CHLSN: variants seen among roughly 807,000 people sequenced by gnomAD.
The protein encoded by CHLSN is protein cholesin.
chr7:1,005,238 C>T, the CHLSN span, among the ~76,000 whole-genome samples: 1 of 152,166 alleles, frequency 6.6e-6, no homozygotes, highest in African/African-American at 2.4e-5. Context: ...TTGCAGTGAG[C>T]CGAGATTGCA....
chr7:1,101,014 C>G, the CHLSN span, among the ~76,000 whole-genome samples: 73,172 of 152,058 alleles, frequency 0.48, 17,902 homozygotes, highest in African/African-American at 0.52. Context: ...GAGGCTCACG[C>G]TCCACTCAGA....
At chr7:1,102,954 G>A in the CHLSN span, among the ~76,000 whole-genome samples, 1 of 152,230 alleles carries the variant, frequency 6.6e-6, no homozygotes, top group African/African-American at 2.4e-5. Context: ...GTACAGGGAG[G>A]TGGGCACACC....
the CHLSN span, among the ~76,000 whole-genome samples, chr7:1,012,817 C>T: frequency 0.22 from 33,977 of 152,158 alleles, 3,989 homozygotes; most frequent in African/African-American, 0.27. Flanking sequence ...GCCCCGTGCT[C>T]GCGCTCGCTG....
At chr7:1,024,182 A>C in the CHLSN span, among the ~76,000 whole-genome samples, 57 of 152,168 alleles carry the variant, frequency 3.7e-4, no homozygotes, top group Non-Finnish European at 5.9e-5. Flanking sequence ...GTGTGAGCCC[A>C]CGGTGCACAG....
At chr7:1,096,765 G>A in the CHLSN span, among the ~76,000 whole-genome samples, 1 of 152,212 alleles carries the variant, frequency 6.6e-6, no homozygotes, top group Non-Finnish European at 1.5e-5. This position sits in a 1 kb window ranked among gnomAD's most constrained non-coding sequence, Gnocchi z 4.6. Flanking sequence ...TTGACCTCAC[G>A]AGAGTGACAC....
At chr7:1,092,248 G>T in the CHLSN span, 2 of 1,612,286 alleles carry the variant, frequency 1.2e-6, no homozygotes, top group Non-Finnish European at 8.5e-7. Context: ...CAAGCACCAC[G>T]CCCGGCTGAG....
chr7:1,073,268 G>A, the CHLSN span, among the ~76,000 whole-genome samples: 1 of 152,132 alleles, frequency 6.6e-6, no homozygotes, highest in African/African-American at 2.4e-5. Flanking sequence ...TGACCAGAGG[G>A]CAGCGGAAGG....
At chr7:1,084,969 G>T in the CHLSN span, among the ~76,000 whole-genome samples, 1 of 152,234 alleles carries the variant, frequency 6.6e-6, no homozygotes, top group Non-Finnish European at 1.5e-5. Flanking sequence ...AGTCAGTGCT[G>T]GCAGAGGGAG....
chr7:1,050,341 G>A, the CHLSN span, among the ~76,000 whole-genome samples: 1 of 152,250 alleles, frequency 6.6e-6, no homozygotes, highest in Non-Finnish European at 1.5e-5. Context: ...CAGGCTCAGA[G>A]CAGAGCAGGG....
At chr7:1,000,990 C>T in the CHLSN span, among the ~76,000 whole-genome samples, 1 of 152,210 alleles carries the variant, frequency 6.6e-6, no homozygotes, top group Admixed American at 6.5e-5. Flanking sequence ...CAACAAGGGG[C>T]CAGTGGGCCT....
chr7:1,049,015 CTGAGCGTGCGCTCCCCAGGCCTCCGCT>C, the CHLSN span, among the ~76,000 whole-genome samples: 17 of 152,104 alleles, frequency 1.1e-4, no homozygotes, highest in African/African-American at 3.6e-4. Flanking sequence ...CCTCTGCAGT[CTGAGCGTGCGCTCCCCAGGCCTCCGCT>C]GTCTGAGCGT....
chr7:1,066,035 C>T, the CHLSN span, among the ~76,000 whole-genome samples: 2 of 152,216 alleles, frequency 1.3e-5, no homozygotes, highest in African/African-American at 2.4e-5. Context: ...GAGCCCTGCG[C>T]GGCCGGCACG....
At chr7:1,135,931 ATATATAAG>A in the CHLSN span, among the ~76,000 whole-genome samples, 2 of 105,210 alleles carry the variant, frequency 1.9e-5, no homozygotes, top group Admixed American at 9.9e-5. Flanking sequence ...GTATATATAA[ATATATAAG>A]TATATATAAA....
the CHLSN span, chr7:1,058,033 C>T: frequency 3.9e-6 from 3 of 769,340 alleles, no homozygotes; most frequent in Admixed American, 1.7e-5. Flanking sequence ...CATGTGTCCA[C>T]CCGCGCGCTA....
chr7:1,016,979 CCAGCGCACAG>C, the CHLSN span, among the ~76,000 whole-genome samples: 3,423 of 67,502 alleles, frequency 0.051, 231 homozygotes, highest in East Asian at 0.25. Context: ...CCAGCACACA[CCAGCGCACAG>C]CAGCGCACAG....
At chr7:1,059,239 TATAA>T in the CHLSN span, 1 of 166,824 alleles carries the variant, frequency 6.0e-6, no homozygotes, top group Non-Finnish European at 1.5e-5. Flanking sequence ...AACTAAAGAA[TATAA>T]ATAAACAAAA....
the CHLSN span, among the ~76,000 whole-genome samples, chr7:1,108,508 C>A: frequency 6.6e-6 from 1 of 152,222 alleles, no homozygotes; most frequent in Non-Finnish European, 1.5e-5. Context: ...GGTGTGCTGA[C>A]TTGTCAACTG....
the CHLSN span, among the ~76,000 whole-genome samples, chr7:1,050,604 C>T: frequency 3.9e-4 from 60 of 152,344 alleles, no homozygotes; most frequent in African/African-American, 1.4e-3. Context: ...CGCGGGAGAG[C>T]CTGCAAGGAA....
chr7:1,029,799 C>T, the CHLSN span, among the ~76,000 whole-genome samples: 2 of 152,236 alleles, frequency 1.3e-5, no homozygotes, highest in African/African-American at 4.8e-5. Flanking sequence ...AGGCCGGAGT[C>T]AGGCCTGGGG....
Sources: gnomAD v4.1 joint callset for allele counts (sites outside exome capture counted in the v4.1 genomes callset) on GRCh38, gnomAD v4.1.1 for gene constraint, Gnocchi (gnomAD v3.1) non-coding constraint, MANE v1.5 for transcripts, NCBI Gene and HGNC (gene_info 2026-07-23, HGNC 2026-07-21) for gene names.